QTMAN: variants seen among roughly 807,000 people sequenced by gnomAD.
QTMAN encodes tRNA-queuosine alpha-mannosyltransferase.
At chr2:144,096,802 G>T in the QTMAN span, among the ~76,000 whole-genome samples, 3 of 152,220 alleles carry the variant, frequency 2.0e-5, no homozygotes, top group Non-Finnish European at 4.4e-5. Flanking sequence ...TCAAAGCTTA[G>T]TCAAATCATC....
At chr2:144,113,248 A>G in the QTMAN span, among the ~76,000 whole-genome samples, 2 of 151,020 alleles carry the variant, frequency 1.3e-5, no homozygotes, top group South Asian at 2.1e-4. Flanking sequence ...AAAAAGAGGG[A>G]AAAAAAATAA....
the QTMAN span, among the ~76,000 whole-genome samples, chr2:144,098,406 A>T: frequency 6.6e-6 from 1 of 152,126 alleles, no homozygotes; most frequent in Non-Finnish European, 1.5e-5. Context: ...ACTGTTTTTT[A>T]AAGTTCCTTT....
the QTMAN span, among the ~76,000 whole-genome samples, chr2:144,133,116 A>AATATATATATATATATATAT: frequency 7.2e-5 from 3 of 41,386 alleles, no homozygotes; most frequent in Non-Finnish European, 1.2e-4. Flanking sequence ...AATGACTGGT[A>AATATATATATATATATATAT]ATATATATAT....
At chr2:143,986,176 G>C in the QTMAN span, among the ~76,000 whole-genome samples, 11 of 152,066 alleles carry the variant, frequency 7.2e-5, no homozygotes, top group Admixed American at 2.0e-4. Flanking sequence ...AAACATTATG[G>C]TATAGCTCAA....
At chr2:144,113,121 C>T in the QTMAN span, among the ~76,000 whole-genome samples, 107 of 152,072 alleles carry the variant, frequency 7.0e-4, no homozygotes, top group African/African-American at 2.1e-3. Flanking sequence ...AAAAGGCAAT[C>T]GACAGATGCC....
the QTMAN span, among the ~76,000 whole-genome samples, chr2:144,246,216 G>C: frequency 1.3e-5 from 2 of 152,306 alleles, no homozygotes; most frequent in East Asian, 3.9e-4. Context: ...AATTCATTTT[G>C]CCTGCCATAA....
At chr2:144,209,434 T>C in the QTMAN span, among the ~76,000 whole-genome samples, 2 of 152,246 alleles carry the variant, frequency 1.3e-5, no homozygotes, top group Admixed American at 6.5e-5. Context: ...ACACTACACA[T>C]ACTTTGATCA....
chr2:144,120,689 T>C, the QTMAN span, among the ~76,000 whole-genome samples: 1 of 152,216 alleles, frequency 6.6e-6, no homozygotes. Context: ...CGGTAAGAAC[T>C]GCTTCTTAAC....
chr2:144,116,770 G>A, the QTMAN span, among the ~76,000 whole-genome samples: 2 of 152,146 alleles, frequency 1.3e-5, no homozygotes, highest in African/African-American at 4.8e-5. Flanking sequence ...ACAATCCCAT[G>A]AGGCTAATAG....
the QTMAN span, among the ~76,000 whole-genome samples, chr2:144,206,245 T>C: frequency 6.6e-6 from 1 of 152,200 alleles, no homozygotes; most frequent in African/African-American, 2.4e-5. Flanking sequence ...CTTAATCATT[T>C]TACCTTTATG....
chr2:144,053,162 T>C, the QTMAN span, among the ~76,000 whole-genome samples: 1 of 152,090 alleles, frequency 6.6e-6, no homozygotes, highest in African/African-American at 2.4e-5. Context: ...ATGAAATAAA[T>C]AAGAGGAAAA....
the QTMAN span, among the ~76,000 whole-genome samples, chr2:143,964,988 C>A: frequency 1.3e-5 from 2 of 151,680 alleles, no homozygotes; most frequent in Non-Finnish European, 2.9e-5. Flanking sequence ...TTTAGAATTA[C>A]CATTTGTGGG....
chr2:144,304,004 G>A, the QTMAN span, among the ~76,000 whole-genome samples: 2 of 152,166 alleles, frequency 1.3e-5, no homozygotes, highest in Non-Finnish European at 2.9e-5. Context: ...TAAGAAGAGG[G>A]AAAGCACCAC....
At chr2:144,072,950 T>A in the QTMAN span, among the ~76,000 whole-genome samples, 1 of 152,146 alleles carries the variant, frequency 6.6e-6, no homozygotes, top group Non-Finnish European at 1.5e-5. Flanking sequence ...ACAGGGGGAT[T>A]TTATGTTACA....
the QTMAN span, among the ~76,000 whole-genome samples, chr2:143,952,552 G>T: frequency 6.6e-5 from 10 of 151,334 alleles, no homozygotes; most frequent in Admixed American, 6.6e-4. Context: ...TAACAATGAA[G>T]AATGTTATTT....
chr2:144,103,819 GTGGCTCACACC>G, the QTMAN span, among the ~76,000 whole-genome samples: 1 of 152,182 alleles, frequency 6.6e-6, no homozygotes, highest in Non-Finnish European at 1.5e-5. Flanking sequence ...GCCAGGCAGG[GTGGCTCACACC>G]TGTAATCCCA....
At chr2:144,158,941 A>G in the QTMAN span, among the ~76,000 whole-genome samples, 49 of 152,152 alleles carry the variant, frequency 3.2e-4, no homozygotes, top group Non-Finnish European at 6.3e-4. Context: ...ATAAAATTAC[A>G]TTAATATAGG....
At chr2:144,025,522 G>T in the QTMAN span, among the ~76,000 whole-genome samples, 1 of 152,172 alleles carries the variant, frequency 6.6e-6, no homozygotes, top group African/African-American at 2.4e-5. Context: ...GTGCGGGGAG[G>T]GAGCTAGGCT....
At chr2:143,940,274 A>T in the QTMAN span, 2 of 152,208 alleles carry the variant, frequency 1.3e-5, no homozygotes, top group Non-Finnish European at 2.9e-5. Context: ...TTAGGTTTCT[A>T]CTATGAGCAG....
Sources: allele counts gnomAD v4.1 joint callset (sites outside exome capture counted in the v4.1 genomes callset), GRCh38; gene constraint gnomAD v4.1.1; transcripts MANE v1.5; gene names NCBI Gene and HGNC (gene_info 2026-07-23, HGNC 2026-07-21).